Variants in NEB observed in about 807,000 individuals in gnomAD.
NEB encodes nebulin.
Under a neutral mutation model 952.2 loss-of-function variants are expected in NEB, and 512 were observed. That is an observed-to-expected ratio of 0.54 (90% CI 0.50 to 0.58). The LOEUF is 0.58. Ranked by LOEUF, NEB falls within the 20% of genes least tolerant of loss-of-function variation. The pLI is 0.00. For missense variants in NEB, 8,428 were observed against 9,231.1 expected (o/e 0.91, Z 3.56); for synonymous variants, 2,900 against 3,149.8 (o/e 0.92, Z 2.66).
chr2:151,662,298 C>A lies in NEB; in HGVS notation c.5807G>T (p.Gly1936Val). 1 of 1,613,584 alleles carries A rather than the reference C, an allele frequency of 6.2e-7. No homozygotes were observed. The highest frequency in any genetic ancestry group is 8.5e-7 in the Non-Finnish European group (1 of 1,179,634). ...TTCCAGGGAGCCCAGAGGGAGCCAT[C>A]CAATGCCCTTCATGAAGTCAGCATA... is the stretch of plus-strand genomic sequence containing the variant. ...ADYADFMKGI[G>V]WLPLGSLEAE... Residue 1936 changes from glycine to valine, a missense_variant, in exon 46 of 182, where the codon GGA becomes GTA. Physicochemically the swap from Gly to Val is moderately radical, Grantham distance 109. Transcript: ENST00000397345.
chr2:151,730,275 A>G (rs1252514940), intron 3 of NEB, among the ~76,000 whole-genome samples: 1 of 152,136 alleles, frequency 6.6e-6, no homozygotes, highest in Non-Finnish European at 1.5e-5. Flanking sequence ...GAAAACTGGT[A>G]AATGCCAAGT....
Position 151,555,441 on chromosome 2 carries a change from G to A in NEB, c.19315-397C>T, listed in dbSNP as rs190100490. ...CTAAAAGGAGTGCGAGATTAAAACT[G>A]TGCTTAGGAATATCTTTGTTTTTAA... On this transcript the variant is annotated intron_variant, in intron 124 of 181. Coordinates refer to ENST00000397345, the MANE Select transcript of NEB (RefSeq NM_001164508.2). Among the ~76,000 whole-genome samples the A allele has an allele frequency of 1.2e-4, 18 of 152,312 alleles. No homozygotes were observed. The East Asian group carries it at 3.5e-3, about 29-fold the overall frequency.
chr2:151,497,906 A>ACTT (rs1284349551), intron 170 of NEB, 188 bp from the exon 171 acceptor site: 31 of 1,476,848 alleles, frequency 2.1e-5, no homozygotes, highest in Non-Finnish European at 4.4e-6. Flanking sequence ...AGAAGCAGGG[A>ACTT]CTTCAGCTGC....
intron 45 of NEB, 87 bp from the exon 46 acceptor site, chr2:151,662,428 T>C (rs772793727): frequency 3.4e-6 from 4 of 1,167,044 alleles, no homozygotes; most frequent in Non-Finnish European, 4.7e-6. Context: ...GTAACTTCCA[T>C]TTCATTTGTA....
In NEB at chr2:151,560,583, T is replaced by C. The variant is rs1179927444; in HGVS notation, c.19314+9A>G. On this transcript the variant is annotated intron_variant, in intron 124 of 181. Transcript: ENST00000397345. ...GGTGGGAAAGCTGTCATGTTTTTGC[T>C]TTACTTACATGGCTGGCCAGATGCT... 6.2e-7 allele frequency: 1 copy of C among 1,600,734 alleles called. No individual in the cohort carries two copies. Among genetic ancestry groups the C allele is most frequent in the African/African-American group, 1.3e-5 (1 of 74,702 alleles).
chr2:151,646,121 A>C lies in NEB; in HGVS notation c.7536+9T>G. ...TTTCTGAAAACACATGCTGAATTTGAAAACTTACATCACTTGTGTTGATTA... is the reference window on the plus strand; with the variant it reads ...TTTCTGAAAACACATGCTGAATTTGCAAACTTACATCACTTGTGTTGATTA... On this transcript the variant is annotated intron_variant, in intron 55 of 181. Coordinates refer to ENST00000397345, the MANE Select transcript of NEB (RefSeq NM_001164508.2). The C allele has an allele frequency of 6.4e-7, 1 of 1,555,188 alleles. No homozygotes were observed. The highest frequency in any genetic ancestry group is 8.7e-7 in the Non-Finnish European group (1 of 1,144,322).
At chr2:151,706,030 A>G (rs1181388211) in intron 13 of NEB, among the ~76,000 whole-genome samples, 2 of 152,202 alleles carry the variant, frequency 1.3e-5, no homozygotes, top group Admixed American at 6.5e-5. Flanking sequence ...GAACTTTTCC[A>G]TGTAACCAAA....
intron 4 of NEB, 46 bp downstream of exon 4, chr2:151,729,569 T>A: frequency 1.2e-6 from 2 of 1,600,456 alleles, no homozygotes; most frequent in Non-Finnish European, 1.7e-6. Context: ...AAGCTCTTCC[T>A]GCTTTAATGA....
chr2:151,563,107 T>C (rs1167198047), intron 119 of NEB, among the ~76,000 whole-genome samples: 2 of 148,844 alleles, frequency 1.3e-5, no homozygotes, highest in Non-Finnish European at 3.0e-5. Flanking sequence ...CTCTGCCTCC[T>C]GGGTTCAAAT....
rs1189014697 is a variant in NEB at position 151,692,313 on chromosome 2, T to C, written c.1946A>G (p.Tyr649Cys). Residue 649 changes from tyrosine to cysteine, a missense_variant, in exon 21 of 182, where the codon TAC (tyrosine) becomes TGC (cysteine). Tyr to Cys is a radical substitution (Grantham distance 194, BLOSUM62 -2). This residue lies in a region of NEB where 2,851 missense variants were observed against 2,791.5 expected (regional missense o/e 1.02). Transcript: ENST00000397345. ...YEKTKAKSMN[Y>C]CETPKYQLDT... is the part of the protein sequence containing the mutation. ...AAGTTGATATTTTGGGGTCTCACAG[T>C]AATTCATACTCTTTGCCTTTGTCTT... 1 of 1,613,750 alleles carries C rather than the reference T, an allele frequency of 6.2e-7. No individual in the cohort carries two copies. Among genetic ancestry groups the C allele is most frequent in the Admixed American group, 1.7e-5 (1 of 60,004 alleles).
chr2:151,525,832 AC>A, intron 150 of NEB, 125 bp downstream of exon 150: 5 of 793,420 alleles, frequency 6.3e-6, no homozygotes, highest in Non-Finnish European at 1.1e-5. Context: ...TTTAAGATTC[AC>A]ATGTAGATAT....
At position 151,533,509 on chromosome 2, in the gene NEB, T is replaced by G; in HGVS notation, c.21350A>C (p.His7117Pro). ...TGGACGCAGAATTTCATTACATCCA[T>G]GTTGCAGAAACATCTTGGCACTAGA... ...YKSSAKMFLQHGCNEILRPDM... is the reference protein window; with the variant it reads ...YKSSAKMFLQPGCNEILRPDM... The change falls in exon 143 of 182, where the codon CAT (histidine) becomes CCT (proline). Residue 7117 changes from histidine (H) to proline (P), a missense_variant. His to Pro is a moderately conservative substitution (Grantham distance 77). This residue lies in a region of NEB where 3,374 missense variants were observed against 3,651.5 expected (regional missense o/e 0.92). Coordinates refer to ENST00000397345, the MANE Select transcript of NEB (RefSeq NM_001164508.2). 6.4e-7 allele frequency: 1 copy of G among 1,551,518 alleles called. No homozygotes were observed. The highest frequency in any genetic ancestry group is 1.2e-5 in the South Asian group (1 of 84,068).
At chr2:151,609,657 A>T (rs1425452746) in intron 81 of NEB, among the ~76,000 whole-genome samples, 152 bp downstream of exon 81, 1 of 152,190 alleles carries the variant, frequency 6.6e-6, no homozygotes, top group Non-Finnish European at 1.5e-5. Flanking sequence ...CTAAAGATGG[A>T]TTTTATATTA....
chr2:151,608,858 G>C (rs1203715338), intron 81 of NEB, among the ~76,000 whole-genome samples, 182 bp from the exon 82 acceptor site: 2 of 89,240 alleles, frequency 2.2e-5, no homozygotes, highest in African/African-American at 8.1e-5. Flanking sequence ...AGCCGAGACT[G>C]TGCCATTGCA....
chr2:151,638,550 T>C (rs1329636636), intron 63 of NEB, among the ~76,000 whole-genome samples: 1 of 152,244 alleles, frequency 6.6e-6, no homozygotes, highest in East Asian at 1.9e-4. Context: ...TGTGACTCAA[T>C]ACATCAGAAG....
At chr2:151,661,714 T>C (rs772207399) in intron 46 of NEB, among the ~76,000 whole-genome samples, 2 of 152,224 alleles carry the variant, frequency 1.3e-5, no homozygotes, top group Non-Finnish European at 2.9e-5. Context: ...TTTGAAATGC[T>C]GCTACAGGCA....
intron 78 of NEB, 149 bp from the exon 79 acceptor site, chr2:151,611,015 A>C (rs1170288939): frequency 1.8e-6 from 1 of 547,478 alleles, no homozygotes; most frequent in Non-Finnish European, 3.2e-6. Flanking sequence ...AGGTGAGGGA[A>C]GCAAAAGAGT....
intron 54 of NEB, among the ~76,000 whole-genome samples, chr2:151,648,819 C>T (rs1245691825): frequency 1.3e-5 from 2 of 152,172 alleles, no homozygotes; most frequent in Non-Finnish European, 2.9e-5. Context: ...CCACTTTCAC[C>T]CCATGGAATG....
chr2:151,681,537 G>A (rs1357823499), intron 29 of NEB, among the ~76,000 whole-genome samples: 3 of 152,166 alleles, frequency 2.0e-5, no homozygotes. Context: ...TTCGGCTTCA[G>A]ACTTCTAAAA....
Sources: allele counts gnomAD v4.1 joint callset (sites outside exome capture counted in the v4.1 genomes callset), GRCh38; gene constraint gnomAD v4.1.1; regional missense constraint gnomAD v4.1.1; transcripts MANE v1.5; gene names NCBI Gene and HGNC (gene_info 2026-07-23, HGNC 2026-07-21).